The following ADAM28 variants were observed in gnomAD, a reference collection of about 807,000 sequenced individuals.
The protein encoded by ADAM28 is ADAM metallopeptidase domain 28, also known as disintegrin and metalloproteinase domain-containing protein 28.
A neutral mutation model predicts 101.2 loss-of-function variants in ADAM28; 105 were observed. That is an observed-to-expected ratio of 1.04 (90% CI 0.89 to 1.22). The LOEUF (loss-of-function observed/expected upper bound fraction) is 1.22, where lower values mean the gene tolerates loss of function less well. Among genes scored for constraint, ADAM28 ranks in the 50% most tolerant of loss-of-function variants. The pLI is 0.00. For missense variants in ADAM28, 1,028 were observed against 945.4 expected, an observed-to-expected ratio of 1.09 and a Z score of -1.15; for synonymous variants, 322 against 310.6, an observed-to-expected ratio of 1.04 and a Z score of -0.39.
In ADAM28 at chr8:24,323,917, T is replaced by G. The variant is rs1237663410; in HGVS notation, c.804T>G (p.Asn268Lys). 6.2e-7 allele frequency: 1 copy of G among 1,612,314 alleles called. No individual in the cohort carries two copies. Among genetic ancestry groups the G allele is most frequent in the Admixed American group, 1.7e-5 (1 of 59,806 alleles). Reference sequence around the variant, plus strand: ...AGGATAAGATAAAGATAACCCCAAATGCAAGCTTCACCTTGGAGAATTTTT... The same window carrying G: ...AGGATAAGATAAAGATAACCCCAAAGGCAAGCTTCACCTTGGAGAATTTTT... ...TDKDKIKITP[N>K]ASFTLENFSK... The change falls in exon 9 of 23, where the codon AAT (asparagine) becomes AAG (lysine). Residue 268 changes from asparagine (N) to lysine (K), a missense_variant. By Grantham distance (94) the Asn-to-Lys change is moderately conservative. Coordinates refer to ENST00000265769, the MANE Select transcript of ADAM28 (RefSeq NM_014265.6).
rs1295379523 is a variant in ADAM28, at chr8:24,331,259, A to T, written c.1213A>T (p.Ile405Leu). ...LFNAPLPTDI[I>L]STPICGNQLV... ...TAATGCTCCATTGCCTACAGATATCATATCCACTCCAATTTGTGGGAACCA... is the reference window on the plus strand; with the variant it reads ...TAATGCTCCATTGCCTACAGATATCTTATCCACTCCAATTTGTGGGAACCA... Residue 405 changes from isoleucine (I) to leucine (L), a missense_variant, in exon 12 of 23, where the codon ATA becomes TTA. Ile to Leu is a conservative substitution (Grantham distance 5, BLOSUM62 2). Coordinates refer to ENST00000265769, the MANE Select transcript of ADAM28 (RefSeq NM_014265.6). The T allele has an allele frequency of 1.2e-6, 2 of 1,612,730 alleles. No homozygotes were observed. The highest frequency in any genetic ancestry group is 2.7e-5 in the African/African-American group (2 of 74,840).
At chr8:24,305,345 T>G (rs1159990034) in intron 2 of ADAM28, among the ~76,000 whole-genome samples, 3 of 151,714 alleles carry the variant, frequency 2.0e-5, no homozygotes, top group Non-Finnish European at 4.4e-5. Context: ...GGAGCGATGG[T>G]GTGTTCACAA....
chr8:24,318,006 G>A (rs1811389535), intron 6 of ADAM28, among the ~76,000 whole-genome samples: 3 of 152,042 alleles, frequency 2.0e-5, no homozygotes, highest in Admixed American at 2.0e-4. Context: ...GATGTTGAGA[G>A]CAATTCCATG....
intron 2 of ADAM28, among the ~76,000 whole-genome samples, chr8:24,302,967 T>TGTCC (rs1202753403): frequency 7.2e-6 from 1 of 137,984 alleles, no homozygotes; most frequent in African/African-American, 2.7e-5. Flanking sequence ...CCCCATCCTG[T>TGTCC]GTCCATGTGT....
Position 24,357,273 on chromosome 8 carries a change from G to C in ADAM28, c.*2869G>C, listed in dbSNP as rs544405633. On this transcript the variant is annotated 3_prime_UTR_variant, in exon 23 of 23. Coordinates refer to ENST00000265769, the MANE Select transcript of ADAM28 (RefSeq NM_014265.6). ...TGTTGTTTAAAGTTGTTATGGTTTGGAGATATTTGTTATGCAGCAATAGAT... is the reference window on the plus strand; with the variant it reads ...TGTTGTTTAAAGTTGTTATGGTTTGCAGATATTTGTTATGCAGCAATAGAT... The C allele has an allele frequency of 1.3e-5, 2 of 152,188 alleles. No individual in the cohort carries two copies. Among genetic ancestry groups the C allele is most frequent in the Non-Finnish European group, 2.9e-5 (2 of 68,028 alleles). The allele number at this position is 152,188 out of a possible 1,614,324, so 9.4% of individuals were successfully genotyped here.
chr8:24,305,880 A>C (rs1809540591), intron 2 of ADAM28, among the ~76,000 whole-genome samples: 1 of 152,120 alleles, frequency 6.6e-6, no homozygotes. Flanking sequence ...ACTTTTTAAT[A>C]TCTCAGGTGT....
intron 12 of ADAM28, 29 bp from the exon 13 acceptor site, chr8:24,332,630 GC>G (rs1813500040): frequency 2.5e-5 from 33 of 1,308,408 alleles, no homozygotes; most frequent in Non-Finnish European, 3.4e-5. Context: ...AAGTAATGTT[GC>G]ATTTACATTT....
chr8:24,324,035 T>A, intron 9 of ADAM28, 32 bp downstream of exon 9: 1 of 1,602,846 alleles, frequency 6.2e-7, no homozygotes, highest in Non-Finnish European at 8.5e-7. Flanking sequence ...TTGCACACTA[T>A]GTGGTATTTA....
intron 17 of ADAM28, 131 bp downstream of exon 17, chr8:24,343,312 G>A (rs1209979210): frequency 6.5e-6 from 8 of 1,222,746 alleles, no homozygotes; most frequent in Non-Finnish European, 9.2e-6. Flanking sequence ...GCCTTCAGTA[G>A]CATGGTTCAA....
chr8:24,300,542 A>C (rs1254399817), intron 2 of ADAM28, among the ~76,000 whole-genome samples: 1 of 151,784 alleles, frequency 6.6e-6, no homozygotes, highest in Admixed American at 6.6e-5. Context: ...CAGCCTCCCG[A>C]GTAGCTGGGA....
chr8:24,350,836 C>T (rs986817105), intron 19 of ADAM28, among the ~76,000 whole-genome samples: 3 of 147,698 alleles, frequency 2.0e-5, no homozygotes, highest in Non-Finnish European at 4.4e-5. Flanking sequence ...CTGGGTTTGT[C>T]TCACGAACGT....
At chr8:24,326,772 T>C (rs967807489) in intron 10 of ADAM28, 137 bp downstream of exon 10, 4 of 740,362 alleles carry the variant, frequency 5.4e-6, no homozygotes, top group Non-Finnish European at 8.3e-6. Flanking sequence ...ATTTCAAATG[T>C]TGAACTAATT....
At chr8:24,305,898 CA>C (rs886074219) in intron 2 of ADAM28, among the ~76,000 whole-genome samples, 2 of 152,068 alleles carry the variant, frequency 1.3e-5, no homozygotes, top group African/African-American at 4.8e-5. Flanking sequence ...TGTCAGGTGA[CA>C]CCTTTGAATT....
chr8:24,335,494 C>A lies in ADAM28; in HGVS notation c.1420C>A (p.Leu474Met). ...CAGACCAGCAAAAGATGAGTGCGAC[C>A]TGCCTGAAATGTGTAATGGTAAATC... The part of the protein sequence containing the change: ...VCRPAKDECD[L>M]PEMCNGKSGN... Residue 474 changes from leucine (L) to methionine (M), a missense_variant, in exon 14 of 23, where the codon CTG (leucine) becomes ATG (methionine). By Grantham distance (15) the Leu-to-Met change is conservative (BLOSUM62 2). Transcript: ENST00000265769. 1 of 1,614,004 alleles carries A rather than the reference C, an allele frequency of 6.2e-7. No individual in the cohort carries two copies. Among genetic ancestry groups the A allele is most frequent in the Non-Finnish European group, 8.5e-7 (1 of 1,179,950 alleles).
intron 2 of ADAM28, among the ~76,000 whole-genome samples, chr8:24,306,412 C>T (rs560620970): frequency 2.7e-4 from 37 of 134,562 alleles, no homozygotes; most frequent in African/African-American, 1.0e-3. Flanking sequence ...ATATGTTCCA[C>T]ACAACACTTC....
Position 24,326,567 on chromosome 8 carries a change from G to T in ADAM28, c.904G>T (p.Ala302Ser), listed in dbSNP as rs962801385. The T allele has an allele frequency of 6.2e-7, 1 of 1,611,772 alleles. No homozygotes were observed. The highest frequency in any genetic ancestry group is 1.1e-5 in the South Asian group (1 of 90,924). Residue 302 changes from alanine to serine, a missense_variant, in exon 10 of 23, where the codon GCT (alanine) becomes TCT (serine). Physicochemically the swap from Ala to Ser is moderately conservative, Grantham distance 99. Transcript: ENST00000265769. ...CCTTTCTTGCAGAGCAACAGAACTT[G>T]CTGGAACGACTGTGGGTCTTGCATT... The part of the protein sequence containing the change: ...IAQLITATEL[A>S]GTTVGLAFMS...
chr8:24,326,817 G>A (rs1812681887), intron 10 of ADAM28, among the ~76,000 whole-genome samples, 182 bp downstream of exon 10: 1 of 151,968 alleles, frequency 6.6e-6, no homozygotes, highest in African/African-American at 2.4e-5. Context: ...TATTGATAAT[G>A]CATTATCTTT....
chr8:24,343,575 G>C lies in ADAM28; in HGVS notation c.1981G>C (p.Val661Leu), dbSNP rs768784090. The C allele has an allele frequency of 6.2e-7, 1 of 1,613,700 alleles. No homozygotes were observed. Among genetic ancestry groups the C allele is most frequent in the South Asian group, 1.1e-5 (1 of 91,076 alleles). ...WIPPDCDDSS[V>L]VFHFSIVVGV... is the part of the protein sequence containing the mutation. ...CCCTCCCGACTGCGATGACTCCTCA[G>C]TGGTCTTCCGTAGGTAACATTACAC... Residue 661 changes from valine (V) to leucine (L), a missense_variant, in exon 18 of 23, where the codon GTG (valine) becomes CTG (leucine). Val to Leu is a conservative substitution (Grantham distance 32). Transcript: ENST00000265769.
chr8:24,300,224 C>A, intron 2 of ADAM28, 147 bp downstream of exon 2: 1 of 510,210 alleles, frequency 2.0e-6, no homozygotes, highest in Non-Finnish European at 3.2e-6. Context: ...CTGTGTGTTT[C>A]AAGTGGAATT....
Sources: allele counts gnomAD v4.1 joint callset (sites outside exome capture counted in the v4.1 genomes callset), GRCh38; gene constraint gnomAD v4.1.1; transcripts MANE v1.5; gene names NCBI Gene and HGNC (gene_info 2026-07-23, HGNC 2026-07-21).